The following PTPRN2 variants were observed in gnomAD, a reference collection of about 807,000 sequenced individuals.
The protein encoded by PTPRN2 is receptor-type tyrosine-protein phosphatase N2.
In PTPRN2, 74 loss-of-function variants were observed where a neutral mutation model predicts 118.8. The ratio of observed to expected loss-of-function variants is 0.62; its 90% CI spans 0.52 to 0.76. The LOEUF (loss-of-function observed/expected upper bound fraction) is 0.76, where lower values mean the gene tolerates loss of function less well. PTPRN2 is among the 30% of genes least tolerant of loss of function. PTPRN2 has a pLI of 0.00. For missense variants in PTPRN2, 1,481 were observed against 1,394.4 expected (o/e 1.06, Z -0.99); for synonymous variants, 641 against 608.0 (o/e 1.05, Z -0.80).
rs149354600 is a variant in PTPRN2 at position 158,546,886 on chromosome 7, C to T, written c.112+40672G>A. ...ACGCTGGGGCTGCCTTCATCTCACG[C>T]ATGCTGGGCAGCCTGGGCACCTGGG... On this transcript the variant is annotated intron_variant, in intron 1 of 22. Coordinates refer to ENST00000389418, the MANE Select transcript of PTPRN2 (RefSeq NM_002847.5). The surrounding 1 kb of genome is among the most constrained non-coding windows in gnomAD (Gnocchi z 5.0). 7.5e-3 allele frequency among the ~76,000 whole-genome samples: 1,147 copies of T among 152,332 alleles called. 10 individuals carry two copies. The highest frequency in any genetic ancestry group is 0.026 in the African/African-American group (1,082 of 41,566).
At chr7:157,588,332 G>A (rs1001832421) in intron 17 of PTPRN2, among the ~76,000 whole-genome samples, 11 of 152,248 alleles carry the variant, frequency 7.2e-5, no homozygotes, top group Non-Finnish European at 1.5e-5. Context: ...GTAGAAGGTG[G>A]CGCAGCAGGT....
chr7:157,924,297 A>G lies in PTPRN2; in HGVS notation c.1724-25560T>C, dbSNP rs141156016. 1.7e-3 allele frequency among the ~76,000 whole-genome samples: 266 copies of G among 152,312 alleles called. 1 individual carries two copies. The highest frequency in any genetic ancestry group is 6.1e-3 in the African/African-American group (252 of 41,572). On this transcript the variant is annotated intron_variant, in intron 11 of 22. Transcript: ENST00000389418. ...CTCCACCTGTAAGGAAACACTGTCC[A>G]TTGGAACATCAGAAAGGGCGGCCCT...
intron 12 of PTPRN2, among the ~76,000 whole-genome samples, chr7:157,805,543 A>G (rs1303262957): frequency 6.6e-6 from 1 of 152,222 alleles, no homozygotes; most frequent in African/African-American, 2.4e-5. Context: ...AATTAGACAC[A>G]TAGAACATGT....
rs573786058 is a variant in PTPRN2 at position 158,022,184 on chromosome 7, T to C, written c.1723+59114A>G. Among the ~76,000 whole-genome samples the C allele has an allele frequency of 6.6e-6, 1 of 152,200 alleles. No individual in the cohort carries two copies. Among genetic ancestry groups the C allele is most frequent in the Non-Finnish European group, 1.5e-5 (1 of 68,032 alleles). On this transcript the variant is annotated intron_variant, in intron 11 of 22. Transcript: ENST00000389418. This position sits in a 1 kb window ranked among gnomAD's most constrained non-coding sequence, Gnocchi z 4.6. ...TCCACAGACATGGTGAGAGGAGACA[T>C]TCAAGGATGAATTTAAATTGTGAAA... is the stretch of plus-strand genomic sequence containing the variant.
At chr7:157,689,860 C>CA (rs769307266) in intron 12 of PTPRN2, among the ~76,000 whole-genome samples, 5,979 of 152,358 alleles carry the variant, frequency 0.039, 172 homozygotes, top group Non-Finnish European at 0.06. Flanking sequence ...ATTCGCCGCC[C>CA]GCTGGGATAC....
chr7:158,514,695 G>A (rs1172030763), intron 1 of PTPRN2, among the ~76,000 whole-genome samples: 2 of 152,218 alleles, frequency 1.3e-5, no homozygotes, highest in Non-Finnish European at 2.9e-5. Flanking sequence ...GCATGCAGCT[G>A]TTTACTGGAA....
chr7:158,283,116 G>C (rs1056266713), intron 3 of PTPRN2, among the ~76,000 whole-genome samples: 3 of 152,248 alleles, frequency 2.0e-5, no homozygotes, highest in Admixed American at 6.5e-5. Context: ...AGGTAGCGCT[G>C]ATGTCAGGGG....
rs951219370 is a variant in PTPRN2 at position 157,622,653 on chromosome 7, G to A, written c.2197-1144C>T. Among the ~76,000 whole-genome samples the A allele has an allele frequency of 1.1e-4, 16 of 152,328 alleles. No individual in the cohort carries two copies. The East Asian group carries it at 1.3e-3, about 13-fold the overall frequency. ...CCTGCTGTGCTGGCCCAGCTCACACGGGAGCAGGTGCATCGGGCACCTGTG... is the reference window on the plus strand; with the variant it reads ...CCTGCTGTGCTGGCCCAGCTCACACAGGAGCAGGTGCATCGGGCACCTGTG... On this transcript the variant is annotated intron_variant, in intron 14 of 22. Coordinates refer to ENST00000389418, the MANE Select transcript of PTPRN2 (RefSeq NM_002847.5). This position sits in a 1 kb window ranked among gnomAD's most constrained non-coding sequence, Gnocchi z 5.3.
At position 158,526,626 on chromosome 7, in the gene PTPRN2, A is replaced by G. The variant is rs371472059; in HGVS notation, c.113-36841T>C. ...CCCCAGGACCTCAGAATGGGACTGT[A>G]TTTGGAGATGGGTCTTGAAAGAGGT... On this transcript the variant is annotated intron_variant, in intron 1 of 22. Transcript: ENST00000389418. This position sits in a 1 kb window ranked among gnomAD's most constrained non-coding sequence, Gnocchi z 5.2. 1.3e-5 allele frequency among the ~76,000 whole-genome samples: 2 copies of G among 152,054 alleles called. No homozygotes were observed. The highest frequency in any genetic ancestry group is 3.9e-4 in the East Asian group (2 of 5,168).
chr7:158,375,344 C>T (rs570571303), intron 2 of PTPRN2, among the ~76,000 whole-genome samples: 1 of 152,328 alleles, frequency 6.6e-6, no homozygotes, highest in African/African-American at 2.4e-5. Context: ...ATAGTCCAGG[C>T]ACAATGAGGG....
At chr7:158,361,481 G>C (rs1473160536) in intron 2 of PTPRN2, among the ~76,000 whole-genome samples, 1 of 152,172 alleles carries the variant, frequency 6.6e-6, no homozygotes, top group Non-Finnish European at 1.5e-5. Flanking sequence ...AACCTCTTTT[G>C]CTCTTTCTTG....
intron 11 of PTPRN2, among the ~76,000 whole-genome samples, chr7:157,984,452 CCCCACGCCAGGCTCCACCCCAT>C (rs1380630887): frequency 8.6e-5 from 7 of 81,718 alleles, no homozygotes; most frequent in Non-Finnish European, 1.5e-4. Context: ...GCTCCACCCC[CCCCACGCCAGGCTCCACCCCAT>C]CCCACGCCAG....
intron 11 of PTPRN2, among the ~76,000 whole-genome samples, chr7:158,072,931 G>C (rs999068512): frequency 2.0e-5 from 3 of 152,194 alleles, no homozygotes; most frequent in Admixed American, 1.3e-4. Flanking sequence ...CTTGTCCCAA[G>C]GGGCCCATAG....
rs112153848 is a variant in PTPRN2, at chr7:158,388,200, A to T, written c.164-71268T>A. Among the ~76,000 whole-genome samples, 231 of 151,826 alleles carry T rather than the reference A, an allele frequency of 1.5e-3. 1 individual carries two copies. Among genetic ancestry groups the T allele is most frequent in the Middle Eastern group, 0.01 (3 of 294 alleles). Reference sequence around the variant, plus strand: ...TCCACACTGAACAAGAAGCCCCTGGACCCTTCCGAGTGGCCATCACCTGAT... The same window carrying T: ...TCCACACTGAACAAGAAGCCCCTGGTCCCTTCCGAGTGGCCATCACCTGAT... On this transcript the variant is annotated intron_variant, in intron 2 of 22. Coordinates refer to ENST00000389418, the MANE Select transcript of PTPRN2 (RefSeq NM_002847.5).
intron 11 of PTPRN2, among the ~76,000 whole-genome samples, chr7:158,069,310 C>A (rs1219524508): frequency 3.3e-5 from 5 of 152,176 alleles, no homozygotes; most frequent in Non-Finnish European, 4.4e-5. Flanking sequence ...CTCAAGAGAT[C>A]CTCCCACCTC....
intron 8 of PTPRN2, among the ~76,000 whole-genome samples, chr7:158,135,995 T>G (rs1585566774): frequency 6.6e-6 from 1 of 152,136 alleles, no homozygotes; most frequent in East Asian, 1.9e-4. Flanking sequence ...CTAAAAGACT[T>G]AACAGGGAAG....
chr7:158,571,125 AT>A (rs933740156), intron 1 of PTPRN2, among the ~76,000 whole-genome samples: 26 of 148,254 alleles, frequency 1.8e-4, no homozygotes, highest in African/African-American at 6.1e-4. Context: ...GGCTTGGAAT[AT>A]TTTTTGTTTT....
chr7:158,232,060 G>T (rs1829192684), intron 3 of PTPRN2, among the ~76,000 whole-genome samples: 1 of 151,816 alleles, frequency 6.6e-6, no homozygotes, highest in South Asian at 2.1e-4. Context: ...AAGGACCAAG[G>T]AAAGCAAGAA....
At chr7:158,108,193 T>G (rs954978055) in intron 10 of PTPRN2, among the ~76,000 whole-genome samples, 2 of 151,624 alleles carry the variant, frequency 1.3e-5, no homozygotes, top group African/African-American at 4.8e-5. Context: ...TAAAGCCCCA[T>G]GCACCTGCCA....
Sources: gnomAD v4.1 joint callset for allele counts (sites outside exome capture counted in the v4.1 genomes callset) on GRCh38, gnomAD v4.1.1 for gene constraint, Gnocchi (gnomAD v3.1) non-coding constraint, MANE v1.5 for transcripts, NCBI Gene and HGNC (gene_info 2026-07-23, HGNC 2026-07-21) for gene names.